RIC1: variants seen among roughly 807,000 people sequenced by gnomAD.
RIC1 encodes the protein RIC1 partner of RAB6A GEF complex, also known as guanine nucleotide exchange factor subunit RIC1.
A neutral mutation model predicts 169.0 loss-of-function variants in RIC1; 88 were observed. The observed-to-expected ratio is 0.52, with a 90% CI of 0.44 to 0.62. The LOEUF (loss-of-function observed/expected upper bound fraction) is 0.62. Among genes scored for constraint, RIC1 ranks in the 20% least tolerant of loss-of-function variants. The pLI is 0.00. For missense variants in RIC1, 1,877 were observed against 1,725.5 expected (o/e 1.09, Z -1.56); for synonymous variants, 790 against 601.5 (o/e 1.31, Z -4.59).
rs557165180 is a variant in RIC1, at chr9:5,750,771, T to G, written c.1453-2429T>G. Among the ~76,000 whole-genome samples, 308 of 151,758 alleles carry G rather than the reference T, an allele frequency of 2.0e-3. 4 individuals carry two copies. Among genetic ancestry groups the G allele is most frequent in the African/African-American group, 7.1e-3 (290 of 41,122 alleles). On this transcript the variant is annotated intron_variant, in intron 12 of 25. Coordinates refer to ENST00000414202, the MANE Select transcript of RIC1 (RefSeq NM_020829.4). ...GTGTGCTTTCATGACCTGTTTTTTT[T>G]GTCACTGATCAGCTGCCTCTTCCTT... is the stretch of plus-strand genomic sequence containing the variant.
intron 21 of RIC1, 140 bp downstream of exon 21, chr9:5,765,938 C>T (rs1826706013): frequency 1.9e-6 from 2 of 1,042,116 alleles, no homozygotes; most frequent in South Asian, 3.3e-5. Flanking sequence ...AAAGCAGAGG[C>T]CACACAGAAG....
chr9:5,754,704 A>G, intron 14 of RIC1, 137 bp from the exon 15 acceptor site: 1 of 483,310 alleles, frequency 2.1e-6, no homozygotes, highest in East Asian at 3.3e-5. Context: ...GCACTCCAGC[A>G]TGGGTGACAG....
intron 10 of RIC1, among the ~76,000 whole-genome samples, chr9:5,745,200 C>G (rs577456959): frequency 6.6e-6 from 1 of 152,108 alleles, no homozygotes; most frequent in Non-Finnish European, 1.5e-5. Flanking sequence ...ACTTAGGCAG[C>G]TTTATCATAG....
In RIC1 at chr9:5,734,729, C is replaced by T. The variant is rs181199757; in HGVS notation, c.812+2250C>T. ...CACAACTCTTATTCCCTCCTTGACT[C>T]ACTTAGTAACTGGTCAACATTGTGA... On this transcript the variant is annotated intron_variant, in intron 7 of 25. Coordinates refer to ENST00000414202, the MANE Select transcript of RIC1 (RefSeq NM_020829.4). Among the ~76,000 whole-genome samples, 20 of 152,286 alleles carry T rather than the reference C, an allele frequency of 1.3e-4. No homozygotes were observed. The East Asian group carries it at 3.5e-3, about 26-fold the overall frequency.
Position 5,746,044 on chromosome 9 carries a change from T to A in RIC1, c.1209T>A (p.Phe403Leu). 6.2e-7 allele frequency: 1 copy of A among 1,613,690 alleles called. No individual in the cohort carries two copies. ...TTAAACAGCCCAGCATCCTGTTATT[T>A]CAGTTTATTAAGAGTGTACTCACTG... ...SVVKQPSILL[F>L]QFIKSVLTVN... is the part of the protein sequence containing the mutation. Residue 403 changes from phenylalanine (F) to leucine (L), a missense_variant, in exon 11 of 26, where the codon TTT (phenylalanine) becomes TTA (leucine). Around this residue, in one of 3 missense-constraint regions of RIC1, gnomAD observed 1,104 missense variants for 992.0 expected, o/e 1.11. Transcript: ENST00000414202.
chr9:5,733,741 T>C (rs1228813740), intron 7 of RIC1, among the ~76,000 whole-genome samples: 1 of 151,968 alleles, frequency 6.6e-6, no homozygotes, highest in Non-Finnish European at 1.5e-5. Flanking sequence ...AGGAAAAGCT[T>C]TTTTTTAATG....
At chr9:5,640,892 G>T (rs1213728213) in intron 1 of RIC1, among the ~76,000 whole-genome samples, 1 of 150,366 alleles carries the variant, frequency 6.7e-6, no homozygotes, top group Non-Finnish European at 1.5e-5. Flanking sequence ...GCTTTTGTTT[G>T]TTTTTTTTGT....
intron 2 of RIC1, among the ~76,000 whole-genome samples, chr9:5,681,803 C>T (rs1258313890): frequency 1.3e-5 from 2 of 152,138 alleles, no homozygotes; most frequent in South Asian, 2.1e-4. Flanking sequence ...TCAGCAAGGA[C>T]TTGCTTTATG....
intron 2 of RIC1, among the ~76,000 whole-genome samples, chr9:5,674,190 G>A (rs1458558662): frequency 6.6e-6 from 1 of 152,032 alleles, no homozygotes; most frequent in Non-Finnish European, 1.5e-5. Context: ...GAAACTATTG[G>A]CAGTTTATTT....
chr9:5,756,765 A>G (rs1826039980), intron 16 of RIC1, among the ~76,000 whole-genome samples: 1 of 152,196 alleles, frequency 6.6e-6, no homozygotes, highest in African/African-American at 2.4e-5. Flanking sequence ...AAACTGACTT[A>G]TATTTCCACT....
chr9:5,699,408 C>A (rs1822091283), intron 3 of RIC1, among the ~76,000 whole-genome samples: 2 of 152,112 alleles, frequency 1.3e-5, no homozygotes, highest in African/African-American at 4.8e-5. Flanking sequence ...GGGCCGTGGC[C>A]ACCTGCAATT....
intron 1 of RIC1, among the ~76,000 whole-genome samples, chr9:5,653,617 A>C (rs946216459): frequency 1.4e-5 from 2 of 138,290 alleles, no homozygotes; most frequent in African/African-American, 5.0e-5. Context: ...TCTTTTTTTG[A>C]GACGGAGTTT....
chr9:5,638,758 A>T (rs968378541), intron 1 of RIC1, among the ~76,000 whole-genome samples: 4 of 151,980 alleles, frequency 2.6e-5, no homozygotes, highest in Non-Finnish European at 5.9e-5. Flanking sequence ...ATCTTTTCTA[A>T]AAAGCAACTT....
intron 7 of RIC1, among the ~76,000 whole-genome samples, chr9:5,737,404 C>T (rs904231860): frequency 7.9e-5 from 12 of 152,122 alleles, no homozygotes; most frequent in African/African-American, 2.7e-4. Flanking sequence ...AATACATCAC[C>T]AGTGCTGATG....
intron 4 of RIC1, among the ~76,000 whole-genome samples, chr9:5,717,009 A>G (rs1335587995): frequency 1.3e-5 from 2 of 152,168 alleles, no homozygotes; most frequent in Admixed American, 1.3e-4. Flanking sequence ...TTTCAATTAA[A>G]TGAGAAGGAT....
intron 12 of RIC1, among the ~76,000 whole-genome samples, chr9:5,751,734 C>G (rs1825736748): frequency 6.6e-6 from 1 of 152,050 alleles, no homozygotes. Flanking sequence ...ATAAGTATAA[C>G]AAATAATTAG....
intron 11 of RIC1, 122 bp downstream of exon 11, chr9:5,746,205 C>A: frequency 1.7e-6 from 1 of 576,848 alleles, no homozygotes; most frequent in Non-Finnish European, 2.8e-6. Flanking sequence ...TTCTATGATT[C>A]TTGTGTTTCT....
chr9:5,692,661 C>G (rs1390496792), intron 3 of RIC1, among the ~76,000 whole-genome samples: 2 of 151,686 alleles, frequency 1.3e-5, no homozygotes, highest in African/African-American at 2.4e-5. Flanking sequence ...TCTGCAGAAC[C>G]CATTTGTACA....
At chr9:5,654,036 A>G (rs571825917) in intron 1 of RIC1, among the ~76,000 whole-genome samples, 30 of 152,218 alleles carry the variant, frequency 2.0e-4, no homozygotes, top group Middle Eastern at 3.4e-3. Context: ...ATCTTACTCT[A>G]TCACTTAGGC....
Sources: allele counts gnomAD v4.1 joint callset (sites outside exome capture counted in the v4.1 genomes callset), GRCh38; gene constraint gnomAD v4.1.1; regional missense constraint gnomAD v4.1.1; transcripts MANE v1.5; gene names NCBI Gene and HGNC (gene_info 2026-07-23, HGNC 2026-07-21).